The following FAM162B variants were observed in gnomAD, a reference collection of about 807,000 sequenced individuals.
FAM162B encodes protein FAM162B.
FAM162B carries 16 observed loss-of-function variants against 20.0 expected under a neutral mutation model. That is an observed-to-expected ratio of 0.80 (90% CI 0.54 to 1.21). The LOEUF (loss-of-function observed/expected upper bound fraction) is 1.21, where lower values mean the gene tolerates loss of function less well. Ranked by LOEUF, FAM162B falls within the 50% of genes most tolerant of loss-of-function variation. The pLI, the probability that FAM162B is intolerant of heterozygous loss-of-function variation, is 0.00. For synonymous variants in FAM162B, 83 were observed against 89.7 expected (o/e 0.93, Z 0.42); for missense variants, 260 against 227.5 (o/e 1.14, Z -0.92).
Position 116,752,681 on chromosome 6 carries a change from A to G in FAM162B, c.405T>C (p.His135=). Residue 135 remains histidine (H), a synonymous_variant, in exon 4 of 4, where the codon CAT becomes CAC. Transcript: ENST00000368557. ...IVSAKRAVER[H]ESLTSWNLAK... is the part of the protein sequence containing the mutation. ...CCAAGTTCCAACTTGTTAAGGATTC[A>G]TGTCGTTCTACAGCCTGTGGGGGGG... The G allele has an allele frequency of 1.9e-6, 3 of 1,568,692 alleles. No homozygotes were observed. The highest frequency in any genetic ancestry group is 1.2e-5 in the South Asian group (1 of 85,556).
intron 3 of FAM162B, among the ~76,000 whole-genome samples, chr6:116,753,172 C>T (rs939045726): frequency 2.0e-5 from 3 of 152,040 alleles, no homozygotes; most frequent in African/African-American, 7.2e-5. Context: ...AAAACCCAGG[C>T]CTTTTCACTT....
At chr6:116,760,759 T>C (rs543496681) in intron 3 of FAM162B, among the ~76,000 whole-genome samples, 6 of 152,320 alleles carry the variant, frequency 3.9e-5, no homozygotes, top group South Asian at 2.1e-4. Context: ...TTTCAAAGCA[T>C]AGATTTTTTC....
intron 2 of FAM162B, among the ~76,000 whole-genome samples, chr6:116,764,776 T>G (rs986869746): frequency 6.6e-6 from 1 of 152,116 alleles, no homozygotes; most frequent in Non-Finnish European, 1.5e-5. Context: ...AAAGCCTGGA[T>G]TGCGGTCTGG....
intron 1 of FAM162B, 29 bp from the exon 2 acceptor site, chr6:116,765,284 G>C: frequency 1.2e-6 from 2 of 1,608,094 alleles, no homozygotes; most frequent in Non-Finnish European, 1.7e-6. Flanking sequence ...AGATGGACGC[G>C]GGAACTGACG....
intron 3 of FAM162B, among the ~76,000 whole-genome samples, chr6:116,760,862 G>A (rs1211420968): frequency 1.3e-5 from 2 of 152,108 alleles, no homozygotes; most frequent in African/African-American, 4.8e-5. Context: ...GACACACTTG[G>A]GCACCTGAGG....
intron 1 of FAM162B, 50 bp from the exon 2 acceptor site, chr6:116,765,305 G>C: frequency 6.3e-7 from 1 of 1,590,358 alleles, no homozygotes; most frequent in Non-Finnish European, 8.6e-7. Context: ...CACCGGCACA[G>C]AGGATCAGCG....
At chr6:116,765,085 G>A in intron 2 of FAM162B, 62 bp downstream of exon 2, 1 of 1,549,182 alleles carries the variant, frequency 6.5e-7, no homozygotes, top group Non-Finnish European at 8.9e-7. Context: ...CGGAAGGTGG[G>A]TCACCCCGCA....
rs548531214 is a variant in FAM162B at position 116,761,914 on chromosome 6, G to C, written c.390+63C>G. 3.3e-6 allele frequency: 4 copies of C among 1,207,562 alleles called. No individual in the cohort carries two copies. In the Admixed American group the frequency reaches 8.3e-5, roughly 25 times the overall value. The allele number at this position is 1,207,562 out of a possible 1,614,324, so 74.8% of individuals were successfully genotyped here. A position where few individuals can be genotyped will look rare whatever the true frequency, so the allele number is the denominator to read the frequency against. ...CCCTTTTGGTGAGATACTCTTTTAG[G>C]GAGGTACTTAAAAAGAGGTACTTAC... On this transcript the variant is annotated intron_variant, in intron 3 of 3. Coordinates refer to ENST00000368557, the MANE Select transcript of FAM162B (RefSeq NM_001085480.3).
intron 3 of FAM162B, among the ~76,000 whole-genome samples, chr6:116,753,168 C>T (rs1419682008): frequency 1.3e-5 from 2 of 151,998 alleles, no homozygotes; most frequent in East Asian, 3.9e-4. Flanking sequence ...CAAAAAAACC[C>T]AGGCCTTTTC....
intron 3 of FAM162B, among the ~76,000 whole-genome samples, chr6:116,761,154 G>A (rs1780136125): frequency 6.6e-6 from 1 of 152,128 alleles, no homozygotes; most frequent in Non-Finnish European, 1.5e-5. Flanking sequence ...ATACTCATAG[G>A]TATGTGTTAG....
rs537642220 is a variant in FAM162B at position 116,759,079 on chromosome 6, G to A, written c.390+2898C>T. ...CTATTGCTATTTTTATTGCAATCATGTCAACTTTATAGACTTAGAGAAGTT... is the reference window on the plus strand; with the variant it reads ...CTATTGCTATTTTTATTGCAATCATATCAACTTTATAGACTTAGAGAAGTT... On this transcript the variant is annotated intron_variant, in intron 3 of 3. Coordinates refer to ENST00000368557, the MANE Select transcript of FAM162B (RefSeq NM_001085480.3). Among the ~76,000 whole-genome samples the A allele has an allele frequency of 3.9e-5, 6 of 151,966 alleles. No individual in the cohort carries two copies. The East Asian group carries it at 1.2e-3, about 29-fold the overall frequency.
At position 116,752,667 on chromosome 6, in the gene FAM162B, C is replaced by A. The variant is rs1379835076; in HGVS notation, c.419G>T (p.Ser140Ile). Residue 140 changes from serine (S) to isoleucine (I), a missense_variant, in exon 4 of 4, where the codon AGT becomes ATT. Ser to Ile is a moderately radical substitution (Grantham distance 142). Coordinates refer to ENST00000368557, the MANE Select transcript of FAM162B (RefSeq NM_001085480.3). ...RAVERHESLTSWNLAKKAKWR... is the reference protein window; with the variant it reads ...RAVERHESLTIWNLAKKAKWR... ...CTTAGCTTTCTTTGCCAAGTTCCAA[C>A]TTGTTAAGGATTCATGTCGTTCTAC... is the stretch of plus-strand genomic sequence containing the variant. The A allele has an allele frequency of 6.3e-7, 1 of 1,583,804 alleles. No individual in the cohort carries two copies. The highest frequency in any genetic ancestry group is 1.7e-5 in the Admixed American group (1 of 59,004).
intron 3 of FAM162B, among the ~76,000 whole-genome samples, chr6:116,760,158 G>A (rs1335043370): frequency 6.6e-6 from 1 of 152,192 alleles, no homozygotes; most frequent in Non-Finnish European, 1.5e-5. Flanking sequence ...AGTATTTAGT[G>A]TATTAATGAT....
At chr6:116,761,839 C>G (rs1771788559) in intron 3 of FAM162B, 138 bp downstream of exon 3, 2 of 543,916 alleles carry the variant, frequency 3.7e-6, no homozygotes, top group South Asian at 9.2e-5. Flanking sequence ...AGAACAATGT[C>G]CATGACATTT....
intron 1 of FAM162B, 47 bp from the exon 2 acceptor site, chr6:116,765,302 A>G (rs1355204155): frequency 1.3e-6 from 2 of 1,596,528 alleles, no homozygotes; most frequent in African/African-American, 1.3e-5. Flanking sequence ...ACGCACCGGC[A>G]CAGAGGATCA....
Position 116,752,630 on chromosome 6 carries a change from T to G in FAM162B, c.456A>C (p.Glu152Asp). The change falls in exon 4 of 4, where the codon GAA (glutamate) becomes GAC (aspartate). Residue 152 changes from glutamate to aspartate, a missense_variant. Glu to Asp is a conservative substitution (Grantham distance 45). Transcript: ENST00000368557. ...NLAKKAKWRE[E>D]AALAAQAKAK ...CTTTAGCCTGTGCAGCCAATGCAGC[T>G]TCTTCACGCCACTTAGCTTTCTTTG... 1 of 1,595,626 alleles carries G rather than the reference T, an allele frequency of 6.3e-7. No individual in the cohort carries two copies. The highest frequency in any genetic ancestry group is 2.3e-5 in the East Asian group (1 of 44,240).
chr6:116,755,361 AAT>A (rs1780040793), intron 3 of FAM162B, among the ~76,000 whole-genome samples: 1 of 152,212 alleles, frequency 6.6e-6, no homozygotes, highest in Non-Finnish European at 1.5e-5. Flanking sequence ...GCCAAAGCCT[AAT>A]ATGGAGCAAG....
At chr6:116,757,820 G>A (rs1481133430) in intron 3 of FAM162B, among the ~76,000 whole-genome samples, 1 of 151,500 alleles carries the variant, frequency 6.6e-6, no homozygotes, top group Non-Finnish European at 1.5e-5. Context: ...GGTCAATGAA[G>A]ATGAGTGTAT....
intron 2 of FAM162B, among the ~76,000 whole-genome samples, chr6:116,764,549 C>CT (rs1288764927): frequency 1.3e-5 from 2 of 152,042 alleles, no homozygotes; most frequent in Non-Finnish European, 2.9e-5. Context: ...GTTTAGCATG[C>CT]TGAAGAGGCC....
Sources: gnomAD v4.1 joint callset for allele counts (sites outside exome capture counted in the v4.1 genomes callset) on GRCh38, gnomAD v4.1.1 for gene constraint, MANE v1.5 for transcripts, NCBI Gene and HGNC (gene_info 2026-07-23, HGNC 2026-07-21) for gene names.